The following EFCAB6 variants were observed in gnomAD, a reference collection of about 807,000 sequenced individuals.
EFCAB6 encodes the protein EF-hand calcium binding domain 6, also known as EF-hand calcium-binding domain-containing protein 6.
EFCAB6 carries 156 observed loss-of-function variants against 169.8 expected under a neutral mutation model. That is an observed-to-expected ratio of 0.92 (90% CI 0.81 to 1.05). The LOEUF (loss-of-function observed/expected upper bound fraction) is 1.05, where lower values mean the gene tolerates loss of function less well. Among genes scored for constraint, EFCAB6 ranks in the 50% least tolerant of loss-of-function variants. The probability of loss-of-function intolerance (pLI) is 0.00; values close to 1 mark genes in which losing one functional copy is unlikely to be tolerated. For synonymous variants in EFCAB6, 698 were observed against 676.4 expected (o/e 1.03, Z -0.50); for missense variants, 1,800 against 1,829.1 (o/e 0.98, Z 0.29).
chr22:43,549,139 A>G (rs1252017843), intron 27 of EFCAB6, among the ~76,000 whole-genome samples: 2 of 152,188 alleles, frequency 1.3e-5, no homozygotes, highest in Non-Finnish European at 1.5e-5. Flanking sequence ...AAGGAAATAT[A>G]TACTTTTAAA....
chr22:43,586,934 A>G (rs2051115662), intron 24 of EFCAB6, among the ~76,000 whole-genome samples: 2 of 152,208 alleles, frequency 1.3e-5, no homozygotes, highest in South Asian at 4.1e-4. Context: ...ATGTGGAAGA[A>G]GAGAACAGCT....
intron 3 of EFCAB6, among the ~76,000 whole-genome samples, chr22:43,773,546 A>G (rs2187887): frequency 0.38 from 57,193 of 152,200 alleles, 11,476 homozygotes; most frequent in African/African-American, 0.49. Flanking sequence ...GCTAAAATGC[A>G]GATATAAAAA....
chr22:43,807,087 C>T (rs1316344616), intron 2 of EFCAB6, among the ~76,000 whole-genome samples: 1 of 152,178 alleles, frequency 6.6e-6, no homozygotes, highest in African/African-American at 2.4e-5. Flanking sequence ...CAGTGGACTC[C>T]ACTTACCTTT....
At chr22:43,557,311 T>C (rs957293130) in intron 26 of EFCAB6, among the ~76,000 whole-genome samples, 14 of 152,206 alleles carry the variant, frequency 9.2e-5, no homozygotes, top group South Asian at 2.1e-4. Context: ...ACTATGAGTC[T>C]AACAACAGAT....
At chr22:43,558,023 A>G (rs1458206364) in intron 26 of EFCAB6, among the ~76,000 whole-genome samples, 1 of 152,262 alleles carries the variant, frequency 6.6e-6, no homozygotes, top group African/African-American at 2.4e-5. Flanking sequence ...TATTAATCAA[A>G]AATTATCTGT....
rs1415333885 is a variant in EFCAB6, at chr22:43,795,083, C to T, written c.-7-12758G>A. Among the ~76,000 whole-genome samples the T allele has an allele frequency of 3.3e-5, 5 of 152,212 alleles. No individual in the cohort carries two copies. The South Asian group carries it at 1.0e-3, about 32-fold the overall frequency. On this transcript the variant is annotated intron_variant, in intron 2 of 31. Transcript: ENST00000262726. The surrounding 1 kb of genome is among the most constrained non-coding windows in gnomAD (Gnocchi z 4.2). Reference sequence around the variant, plus strand: ...GAACCTCATCGTCACAGACAGTCTACCCTCACACACTGTAAGACCCACCCC... The same window carrying T: ...GAACCTCATCGTCACAGACAGTCTATCCTCACACACTGTAAGACCCACCCC...
At chr22:43,690,290 G>C (rs1030413041) in intron 10 of EFCAB6, among the ~76,000 whole-genome samples, 4 of 147,596 alleles carry the variant, frequency 2.7e-5, no homozygotes, top group Non-Finnish European at 5.9e-5. Context: ...ACGAGGTCAG[G>C]AGATCGAGAC....
intron 23 of EFCAB6, among the ~76,000 whole-genome samples, chr22:43,598,643 T>C (rs900254077): frequency 3.9e-5 from 6 of 152,044 alleles, no homozygotes; most frequent in African/African-American, 9.7e-5. Context: ...TCTAAAAGAG[T>C]ATAATTGGAT....
intron 2 of EFCAB6, among the ~76,000 whole-genome samples, chr22:43,803,726 G>C (rs1489920720): frequency 6.6e-6 from 1 of 151,828 alleles, no homozygotes; most frequent in East Asian, 1.9e-4. Flanking sequence ...ATAATATTAG[G>C]ATACTTCAAA....
chr22:43,747,897 C>T (rs2060621607), intron 6 of EFCAB6, among the ~76,000 whole-genome samples: 2 of 152,208 alleles, frequency 1.3e-5, no homozygotes, highest in South Asian at 2.1e-4. Context: ...ACTTGTATCA[C>T]TTTATTCCCT....
At chr22:43,702,912 G>A (rs998040852) in intron 10 of EFCAB6, among the ~76,000 whole-genome samples, 3 of 152,186 alleles carry the variant, frequency 2.0e-5, no homozygotes, top group South Asian at 2.1e-4. Flanking sequence ...TTGAATTTCA[G>A]CAAAGAGCAG....
At position 43,800,786 on chromosome 22, in the gene EFCAB6, G is replaced by C. The variant is rs547642621; in HGVS notation, c.-8+8209C>G. Among the ~76,000 whole-genome samples, 13 of 150,896 alleles carry C rather than the reference G, an allele frequency of 8.6e-5. No individual in the cohort carries two copies. The South Asian group carries it at 2.7e-3, about 32-fold the overall frequency. ...ACTATTTGAAAACACACTCAGAGGAGAAAAATGAAAAAAAAGAATGAAAAG... is the reference window on the plus strand; with the variant it reads ...ACTATTTGAAAACACACTCAGAGGACAAAAATGAAAAAAAAGAATGAAAAG... On this transcript the variant is annotated intron_variant, in intron 2 of 31. Coordinates refer to ENST00000262726, the MANE Select transcript of EFCAB6 (RefSeq NM_022785.4).
At chr22:43,559,250 CAT>C (rs2048888215) in intron 26 of EFCAB6, among the ~76,000 whole-genome samples, 1 of 152,082 alleles carries the variant, frequency 6.6e-6, no homozygotes, top group Non-Finnish European at 1.5e-5. Flanking sequence ...GGCCAATAAA[CAT>C]ATGAAAAAAA....
intron 10 of EFCAB6, among the ~76,000 whole-genome samples, chr22:43,706,044 C>A (rs2058945444): frequency 6.6e-6 from 1 of 152,140 alleles, no homozygotes; most frequent in Non-Finnish European, 1.5e-5. Flanking sequence ...CACAGAAATA[C>A]AAAGGATCGT....
intron 7 of EFCAB6, among the ~76,000 whole-genome samples, chr22:43,733,235 A>G (rs1274815328): frequency 1.3e-5 from 2 of 152,178 alleles, no homozygotes; most frequent in East Asian, 3.9e-4. Flanking sequence ...AGAAGACCCA[A>G]TTGAGGGGAG....
chr22:43,747,993 G>A (rs749821183), intron 6 of EFCAB6, among the ~76,000 whole-genome samples: 1 of 152,164 alleles, frequency 6.6e-6, no homozygotes. Context: ...TGTCCCCAAG[G>A]TGATTTTAAG....
At chr22:43,757,667 A>G (rs2061007779) in intron 5 of EFCAB6, among the ~76,000 whole-genome samples, 1 of 152,188 alleles carries the variant, frequency 6.6e-6, no homozygotes, top group Non-Finnish European at 1.5e-5. Flanking sequence ...TCCCTTCCCA[A>G]TCACATCCTC....
chr22:43,610,831 C>A (rs1288443815), intron 21 of EFCAB6, among the ~76,000 whole-genome samples: 4 of 152,180 alleles, frequency 2.6e-5, no homozygotes, highest in African/African-American at 9.6e-5. Flanking sequence ...GAAGTTACCA[C>A]TGTCCCAACA....
At chr22:43,565,410 T>G (rs183952787) in intron 26 of EFCAB6, among the ~76,000 whole-genome samples, 1 of 152,176 alleles carries the variant, frequency 6.6e-6, no homozygotes, top group Admixed American at 6.5e-5. Flanking sequence ...TGGGTTTCTA[T>G]TGAGTAAGAA....
Sources: gnomAD v4.1 joint callset for allele counts (sites outside exome capture counted in the v4.1 genomes callset) on GRCh38, gnomAD v4.1.1 for gene constraint, Gnocchi (gnomAD v3.1) non-coding constraint, MANE v1.5 for transcripts, NCBI Gene and HGNC (gene_info 2026-07-23, HGNC 2026-07-21) for gene names.